Variants in CADM2 observed in about 807,000 individuals in gnomAD.
The protein encoded by CADM2 is immunoglobulin superfamily member 4D.
In CADM2, 12 loss-of-function variants were observed where a neutral mutation model predicts 49.8. The observed-to-expected ratio is 0.24, with a 90% CI of 0.15 to 0.39. CADM2 has a LOEUF of 0.39. Ranked by LOEUF, CADM2 falls within the 10% of genes least tolerant of loss-of-function variation. The pLI, the probability that CADM2 is intolerant of heterozygous loss-of-function variation, is 1.00. For missense variants in CADM2, 378 were observed against 492.3 expected (o/e 0.77, Z 2.20); for synonymous variants, 214 against 175.4 (o/e 1.22, Z -1.74).
intron 1 of CADM2, among the ~76,000 whole-genome samples, chr3:85,343,715 G>C (rs2030212350): frequency 6.6e-6 from 1 of 152,184 alleles, no homozygotes; most frequent in South Asian, 2.1e-4. Flanking sequence ...TACTAAGGCA[G>C]TTCATAGAAG....
At chr3:85,357,992 C>T (rs572214950) in intron 1 of CADM2, among the ~76,000 whole-genome samples, 1 of 152,140 alleles carries the variant, frequency 6.6e-6, no homozygotes, top group South Asian at 2.1e-4. Context: ...GATTGCATGG[C>T]CAACCTTTAT....
intron 2 of CADM2, among the ~76,000 whole-genome samples, chr3:85,753,885 G>A (rs2068978256): frequency 6.6e-6 from 1 of 152,152 alleles, no homozygotes; most frequent in Non-Finnish European, 1.5e-5. Context: ...AGGAAGGAAA[G>A]TAAAGTAAAC....
At chr3:85,887,631 A>G (rs777953965) in intron 5 of CADM2, among the ~76,000 whole-genome samples, 2 of 152,156 alleles carry the variant, frequency 1.3e-5, no homozygotes, top group Non-Finnish European at 2.9e-5. Flanking sequence ...ATAAATATAC[A>G]TTATTGGATT....
At chr3:85,639,555 C>T (rs181107816) in intron 1 of CADM2, among the ~76,000 whole-genome samples, 10 of 152,076 alleles carry the variant, frequency 6.6e-5, no homozygotes, top group Non-Finnish European at 1.0e-4. Flanking sequence ...TCATGGTACC[C>T]GAATGTATTC....
chr3:85,928,122 G>T (rs1013902044), intron 6 of CADM2, among the ~76,000 whole-genome samples: 1 of 150,696 alleles, frequency 6.6e-6, no homozygotes. Flanking sequence ...TACTTCCCAA[G>T]TTCATAAAAC....
intron 1 of CADM2, among the ~76,000 whole-genome samples, chr3:85,193,608 CA>C (rs1219472815): frequency 6.6e-6 from 1 of 151,766 alleles, no homozygotes; most frequent in Non-Finnish European, 1.5e-5. Flanking sequence ...GCTTTCCAGA[CA>C]AAAAAAGTTA....
chr3:85,059,518 A>G (rs1451856671), intron 1 of CADM2, among the ~76,000 whole-genome samples: 1 of 152,134 alleles, frequency 6.6e-6, no homozygotes, highest in East Asian at 1.9e-4. Context: ...AAATACAGTC[A>G]TGTTGATATG....
intron 1 of CADM2, among the ~76,000 whole-genome samples, chr3:85,205,732 G>A (rs2041615976): frequency 1.3e-5 from 2 of 151,804 alleles, no homozygotes; most frequent in South Asian, 4.2e-4. Context: ...TATTTGTAAT[G>A]CTCACCAGAA....
intron 5 of CADM2, among the ~76,000 whole-genome samples, chr3:85,902,732 G>C (rs1716288669): frequency 6.6e-6 from 1 of 151,074 alleles, no homozygotes; most frequent in South Asian, 2.1e-4. Context: ...TATATTGTTA[G>C]TAGATGCTCT....
intron 1 of CADM2, among the ~76,000 whole-genome samples, chr3:85,202,741 C>T (rs910007436): frequency 3.9e-5 from 6 of 152,108 alleles, no homozygotes; most frequent in Non-Finnish European, 5.9e-5. Flanking sequence ...ACATTGACAC[C>T]TCCTTTCTAG....
chr3:85,161,585 A>T (rs561649904), intron 1 of CADM2, among the ~76,000 whole-genome samples: 68 of 152,326 alleles, frequency 4.5e-4, no homozygotes, highest in African/African-American at 1.6e-3. Flanking sequence ...GTATAAAAAA[A>T]AATGAATGAG....
At chr3:85,392,391 A>T (rs1307849781) in intron 1 of CADM2, among the ~76,000 whole-genome samples, 1 of 152,078 alleles carries the variant, frequency 6.6e-6, no homozygotes, top group Non-Finnish European at 1.5e-5. Context: ...TATAATTATT[A>T]TTGATTATTA....
intron 1 of CADM2, among the ~76,000 whole-genome samples, chr3:85,373,935 C>T (rs2107329171): frequency 6.6e-6 from 1 of 152,262 alleles, no homozygotes; most frequent in African/African-American, 2.4e-5. Flanking sequence ...TCCTAAGCCT[C>T]CTGACTTGGG....
intron 3 of CADM2, among the ~76,000 whole-genome samples, chr3:85,864,731 T>C (rs991507840): frequency 2.0e-5 from 3 of 152,238 alleles, no homozygotes; most frequent in Non-Finnish European, 4.4e-5. Flanking sequence ...TTACTTTATG[T>C]CAATGGAAAT....
intron 1 of CADM2, among the ~76,000 whole-genome samples, chr3:85,662,599 C>G (rs932416944): frequency 6.6e-6 from 1 of 152,022 alleles, no homozygotes; most frequent in Non-Finnish European, 1.5e-5. Flanking sequence ...AACTTCAGGT[C>G]TCTGCAAATG....
At chr3:85,554,689 C>CATTTTT (rs753984224) in intron 1 of CADM2, among the ~76,000 whole-genome samples, 3 of 151,814 alleles carry the variant, frequency 2.0e-5, no homozygotes, top group African/African-American at 7.3e-5. Context: ...TTAAAGACAT[C>CATTTTT]ATTTTTATTT....
chr3:85,714,732 G>A (rs1437868538), intron 1 of CADM2, among the ~76,000 whole-genome samples: 1 of 151,902 alleles, frequency 6.6e-6, no homozygotes, highest in African/African-American at 2.4e-5. Context: ...GCCTGGCCCT[G>A]TTTATCTATT....
At chr3:85,352,918 C>G (rs2031490749) in intron 1 of CADM2, among the ~76,000 whole-genome samples, 1 of 152,036 alleles carries the variant, frequency 6.6e-6, no homozygotes, top group African/African-American at 2.4e-5. Context: ...TGATGCTAAG[C>G]TTTACAGAGA....
rs558745614 is a variant in CADM2 at position 85,206,556 on chromosome 3, C to G, written c.61+246888C>G. On this transcript the variant is annotated intron_variant, in intron 1 of 9. Coordinates refer to ENST00000383699, the MANE Select transcript of CADM2 (RefSeq NM_001167675.2). The stretch of plus-strand genomic sequence containing the variant: ...TCACCTGACCTCGTGATCCGCCCAC[C>G]TCGGCCTCCCAAAGTGCTGGGATTA... Among the ~76,000 whole-genome samples, 321 of 152,150 alleles carry G rather than the reference C, an allele frequency of 2.1e-3. 1 individual carries two copies. The highest frequency in any genetic ancestry group is 7.6e-3 in the African/African-American group (315 of 41,562).
Sources: gnomAD v4.1 joint callset for allele counts (sites outside exome capture counted in the v4.1 genomes callset) on GRCh38, gnomAD v4.1.1 for gene constraint, MANE v1.5 for transcripts, NCBI Gene and HGNC (gene_info 2026-07-23, HGNC 2026-07-21) for gene names.